The following GDPD4 variants were observed in gnomAD, a reference collection of about 807,000 sequenced individuals.
GDPD4 encodes glycerophosphodiester phosphodiesterase 6.
A neutral mutation model predicts 67.8 loss-of-function variants in GDPD4; 60 were observed. The observed-to-expected ratio is 0.88, with a 90% CI of 0.72 to 1.10. The LOEUF (loss-of-function observed/expected upper bound fraction) is 1.10. GDPD4 is among the 50% of genes least tolerant of loss of function. GDPD4 has a pLI of 0.00. For missense variants in GDPD4, 623 were observed against 613.9 expected, an observed-to-expected ratio of 1.01 and a Z score of -0.16; for synonymous variants, 212 against 210.9, an observed-to-expected ratio of 1.00 and a Z score of -0.04.
intron 7 of GDPD4, chr11:77,270,814 C>A: frequency 4.1e-6 from 1 of 242,564 alleles, no homozygotes; most frequent in Non-Finnish European, 7.8e-6. Context: ...AAAATTAAAA[C>A]AGCCTCTACT....
intron 7 of GDPD4, 66 bp downstream of exon 7, chr11:77,271,064 G>T: frequency 9.1e-7 from 1 of 1,094,616 alleles, no homozygotes; most frequent in Non-Finnish European, 1.4e-6. Flanking sequence ...CTGTTTTCCT[G>T]AGTGGAGTAT....
intron 3 of GDPD4, among the ~76,000 whole-genome samples, chr11:77,282,459 G>A (rs1959798854): frequency 8.2e-6 from 1 of 121,822 alleles, no homozygotes; most frequent in African/African-American, 3.2e-5. Flanking sequence ...TTTGAGACCA[G>A]CCTGGGCAAC....
At chr11:77,250,267 T>G (rs1053917498) in intron 11 of GDPD4, among the ~76,000 whole-genome samples, 1 of 152,076 alleles carries the variant, frequency 6.6e-6, no homozygotes, top group Admixed American at 6.6e-5. Context: ...AGTCCCAATT[T>G]TCTATTGTTG....
chr11:77,271,305 A>G lies in GDPD4; in HGVS notation c.296T>C (p.Leu99Pro). The change falls in exon 6 of 17, where the codon CTG becomes CCG. Residue 99 changes from leucine to proline, a missense_variant. By Grantham distance (98) the Leu-to-Pro change is moderately conservative (BLOSUM62 -3). Transcript: ENST00000315938. ...TAGGATGATGCTTACCTGCATTGAC[A>G]GCCCAGCTACCAGCCACCTTTCTTT... ...FWKERWLVAGLSMQIFAPYVH... is the reference protein window; with the variant it reads ...FWKERWLVAGPSMQIFAPYVH... 6.2e-7 allele frequency: 1 copy of G among 1,613,138 alleles called. No individual in the cohort carries two copies.
chr11:77,301,698 G>A (rs974084638), upstream of GDPD4: 4 of 152,490 alleles, frequency 2.6e-5, no homozygotes, highest in African/African-American at 9.7e-5. Context: ...GCAGCCCGAG[G>A]GAGGCGGGGC....
At chr11:77,252,292 G>GAC (rs1425191870) in intron 11 of GDPD4, among the ~76,000 whole-genome samples, 1 of 151,986 alleles carries the variant, frequency 6.6e-6, no homozygotes, top group African/African-American at 2.4e-5. Flanking sequence ...TCCAACTCCT[G>GAC]ACCTCAGGTG....
chr11:77,282,136 T>C (rs1959783910), intron 3 of GDPD4, among the ~76,000 whole-genome samples: 1 of 152,032 alleles, frequency 6.6e-6, no homozygotes, highest in Admixed American at 6.6e-5. Flanking sequence ...TATAAGTATA[T>C]GAAGTTAAGG....
At position 77,258,587 on chromosome 11, in the gene GDPD4, T is replaced by TTTAG. The variant is rs777334806; in HGVS notation, c.708-49_708-46dup. The TTTAG allele has an allele frequency of 1.4e-5, 22 of 1,587,920 alleles. No homozygotes were observed. The East Asian group carries it at 4.7e-4, about 34-fold the overall frequency. ...GAAGGGCAGGGGTAGATAGGCTGAA[T>TTTAG]TTAGCTACCTTGGTAGACAGGCTCC... On this transcript the variant is annotated intron_variant, in intron 10 of 16. Transcript: ENST00000315938.
chr11:77,293,956 T>C (rs1000332907), intron 1 of GDPD4, among the ~76,000 whole-genome samples: 35 of 152,076 alleles, frequency 2.3e-4, no homozygotes, highest in African/African-American at 8.2e-4. Flanking sequence ...GAATAGAAAC[T>C]CTATTTGCAG....
intron 10 of GDPD4, among the ~76,000 whole-genome samples, chr11:77,266,613 G>A (rs114404071): frequency 7.3e-4 from 111 of 152,208 alleles, no homozygotes; most frequent in African/African-American, 2.6e-3. Context: ...GGAGATGACC[G>A]CTCCATGCAT....
At chr11:77,280,895 G>A (rs1959726708) in intron 3 of GDPD4, among the ~76,000 whole-genome samples, 1 of 152,246 alleles carries the variant, frequency 6.6e-6, no homozygotes, top group Non-Finnish European at 1.5e-5. Flanking sequence ...CTGAACATCA[G>A]TGGGAACTGA....
At chr11:77,267,873 G>A (rs7115397) in intron 10 of GDPD4, among the ~76,000 whole-genome samples, 5,615 of 151,726 alleles carry the variant, frequency 0.037, 223 homozygotes, top group African/African-American at 0.098. Context: ...TTTTTCCTTC[G>A]AGGCTCAACC....
At chr11:77,272,441 A>G (rs964449503) in intron 5 of GDPD4, among the ~76,000 whole-genome samples, 7 of 152,198 alleles carry the variant, frequency 4.6e-5, no homozygotes, top group Non-Finnish European at 1.0e-4. Flanking sequence ...TTCACTATGG[A>G]TTTAAAGGAT....
At chr11:77,236,905 A>G (rs1389156520) in intron 13 of GDPD4, among the ~76,000 whole-genome samples, 1 of 152,246 alleles carries the variant, frequency 6.6e-6, no homozygotes, top group Non-Finnish European at 1.5e-5. Context: ...GAGAAGTCTG[A>G]GAAGTCTCCT....
chr11:77,228,066 C>G lies in GDPD4; in HGVS notation c.1473-150G>C, dbSNP rs1382489894. Reference sequence around the variant, plus strand: ...TGCAAGGATTCCCAAATGTCATTTTCTTCTACAGATAAAAAGATTATGGGC... The same window carrying G: ...TGCAAGGATTCCCAAATGTCATTTTGTTCTACAGATAAAAAGATTATGGGC... On this transcript the variant is annotated intron_variant, in intron 15 of 16. Transcript: ENST00000315938. The G allele has an allele frequency of 8.5e-6, 6 of 705,152 alleles. No homozygotes were observed. In the East Asian group the frequency reaches 1.5e-4, roughly 17 times the overall value. The allele number at this position is 705,152 out of a possible 1,614,324, so 43.7% of individuals were successfully genotyped here. A position where few individuals can be genotyped will look rare whatever the true frequency, so the allele number is the denominator to read the frequency against.
intron 14 of GDPD4, among the ~76,000 whole-genome samples, chr11:77,230,554 T>G (rs1480359873): frequency 6.6e-6 from 1 of 152,224 alleles, no homozygotes; most frequent in African/African-American, 2.4e-5. Context: ...AAGTTCCTGT[T>G]CTGCTTAAAA....
intron 5 of GDPD4, among the ~76,000 whole-genome samples, chr11:77,272,008 C>T (rs1038994300): frequency 6.6e-6 from 1 of 152,162 alleles, no homozygotes; most frequent in African/African-American, 2.4e-5. Context: ...ACCAAGAAGA[C>T]CTAATTTTCC....
intron 10 of GDPD4, among the ~76,000 whole-genome samples, chr11:77,266,407 T>C (rs1959178342): frequency 6.6e-6 from 1 of 152,166 alleles, no homozygotes; most frequent in Non-Finnish European, 1.5e-5. Flanking sequence ...TATAAAAGTA[T>C]AGCACATACA....
At chr11:77,242,587 CATA>C (rs1313236637) in intron 13 of GDPD4, among the ~76,000 whole-genome samples, 1 of 151,702 alleles carries the variant, frequency 6.6e-6, no homozygotes, top group African/African-American at 2.4e-5. Flanking sequence ...TAACTTGACA[CATA>C]ATAATAGCTC....
Sources: gnomAD v4.1 joint callset for allele counts (sites outside exome capture counted in the v4.1 genomes callset) on GRCh38, gnomAD v4.1.1 for gene constraint, MANE v1.5 for transcripts, NCBI Gene and HGNC (gene_info 2026-07-23, HGNC 2026-07-21) for gene names.